AFF3: variants seen among roughly 807,000 people sequenced by gnomAD.
The protein encoded by AFF3 is ALF transcription elongation factor 3.
In AFF3, 32 loss-of-function variants were observed where a neutral mutation model predicts 129.7. The ratio of observed to expected loss-of-function variants is 0.25; its 90% confidence interval spans 0.19 to 0.33. AFF3 has a LOEUF of 0.33. Among genes scored for constraint, AFF3 ranks in the 10% least tolerant of loss-of-function variants. The pLI, the probability that AFF3 is intolerant of heterozygous loss-of-function variation, is 1.00. For missense variants in AFF3, 1,373 were observed against 1,592.0 expected (o/e 0.86, Z 2.34); for synonymous variants, 644 against 635.4 (o/e 1.01, Z -0.20).
At chr2:99,862,633 C>T (rs1029222021) in intron 7 of AFF3, among the ~76,000 whole-genome samples, 2 of 152,238 alleles carry the variant, frequency 1.3e-5, no homozygotes, top group South Asian at 4.1e-4. Flanking sequence ...TAGCTTGTTC[C>T]TTTATGCTCT....
intron 7 of AFF3, among the ~76,000 whole-genome samples, chr2:99,840,660 C>T (rs1292171136): frequency 1.3e-5 from 2 of 152,208 alleles, no homozygotes; most frequent in Non-Finnish European, 2.9e-5. Flanking sequence ...GCTTTCACTC[C>T]CATTCCCAAT....
rs1289517151 is a variant in AFF3 at position 99,550,660 on chromosome 2, A to C, written c.*814T>G. The C allele has an allele frequency of 4.3e-6, 1 of 232,642 alleles. No homozygotes were observed. The highest frequency in any genetic ancestry group is 8.5e-6 in the Non-Finnish European group (1 of 117,802). The allele number at this position is 232,642 out of a possible 1,614,324, so 14.4% of individuals were successfully genotyped here. A position where few individuals can be genotyped will look rare whatever the true frequency, so the allele number is the denominator to read the frequency against. ...TGCAGAAAACTTCAACTCCTAACTG[A>C]GCTCCAACACACAGGCACTGCTACC... On this transcript the variant is annotated 3_prime_UTR_variant, in exon 25 of 25. Coordinates refer to ENST00000672756, the MANE Select transcript of AFF3 (RefSeq NM_001386135.1).
intron 15 of AFF3, among the ~76,000 whole-genome samples, chr2:99,589,635 G>A (rs368844572): frequency 1.6e-3 from 241 of 152,094 alleles, no homozygotes; most frequent in African/African-American, 5.6e-3. Flanking sequence ...TCTTGATCTC[G>A]TGATCTGCCC....
At chr2:99,875,124 C>T (rs1692186718) in intron 7 of AFF3, among the ~76,000 whole-genome samples, 2 of 152,154 alleles carry the variant, frequency 1.3e-5, no homozygotes. Context: ...TGACAGTGCT[C>T]CCCAGGCAAT....
intron 8 of AFF3, among the ~76,000 whole-genome samples, chr2:99,767,634 A>G (rs901407086): frequency 2.0e-5 from 3 of 152,376 alleles, no homozygotes; most frequent in African/African-American, 4.8e-5. Context: ...AAAGCTGTGC[A>G]TCAGTAAACT....
rs1559000439 is a variant in AFF3, at chr2:99,947,629, TA to T, written c.873+59002del. Among the ~76,000 whole-genome samples the T allele has an allele frequency of 1.9e-4, 27 of 142,108 alleles. 1 individual carries two copies. The highest frequency in any genetic ancestry group is 7.9e-4 in the African/African-American group (27 of 33,994). The allele number at this position is 142,108 out of a possible 152,430, so 93.2% of individuals were successfully genotyped here. On this transcript the variant is annotated intron_variant, in intron 7 of 24. Transcript: ENST00000672756. Reference sequence around the variant, plus strand: ...ATAGATAGATAGATAGATAGATAGATAGATAGATAGATAGATAGATAGATAG... The same window carrying T: ...ATAGATAGATAGATAGATAGATAGATGATAGATAGATAGATAGATAGATAG...
At chr2:100,103,009 A>G (rs1360785425) in intron 4 of AFF3, among the ~76,000 whole-genome samples, 15 of 150,132 alleles carry the variant, frequency 1.0e-4, no homozygotes, top group Non-Finnish European at 2.1e-4. Context: ...GTTTTATTAC[A>G]TTAGGGCCCG....
intron 7 of AFF3, among the ~76,000 whole-genome samples, chr2:99,970,595 C>T (rs1678264783): frequency 6.6e-6 from 1 of 152,220 alleles, no homozygotes; most frequent in African/African-American, 2.4e-5. Flanking sequence ...TTCCTCATAG[C>T]CTCTCCAGGC....
chr2:99,695,962 C>CAAAAAAAAA (rs1676212587), intron 11 of AFF3, among the ~76,000 whole-genome samples: 10 of 90,048 alleles, frequency 1.1e-4, no homozygotes, highest in African/African-American at 5.1e-4. Context: ...AAAAAAAAAC[C>CAAAAAAAAA]AAAAGAAAAA....
intron 11 of AFF3, chr2:99,707,082 AG>A: frequency 7.1e-6 from 7 of 984,704 alleles, no homozygotes; most frequent in Non-Finnish European, 8.4e-6. Context: ...AAGATATAAT[AG>A]TACAATGAAA....
intron 13 of AFF3, among the ~76,000 whole-genome samples, chr2:99,644,016 C>T (rs566742058): frequency 9.8e-5 from 15 of 152,344 alleles, no homozygotes; most frequent in South Asian, 2.1e-4. Flanking sequence ...CACAGCCACA[C>T]GGCTGTTTCT....
At chr2:99,613,700 T>A (rs1377069987) in intron 13 of AFF3, among the ~76,000 whole-genome samples, 1 of 152,244 alleles carries the variant, frequency 6.6e-6, no homozygotes, top group Non-Finnish European at 1.5e-5. Flanking sequence ...TTTATAATAC[T>A]TTTACAAACT....
intron 18 of AFF3, among the ~76,000 whole-genome samples, chr2:99,572,280 T>TCCCCCCCCCCCCCCCCCCCCCCCCC (rs1472898150): frequency 1.9e-5 from 1 of 51,478 alleles, no homozygotes; most frequent in African/African-American, 8.8e-5. Context: ...TTTCTTCTCT[T>TCCCCCCCCCCCCCCCCCCCCCCCCC]CCCCCTCCCA....
chr2:100,064,903 G>A (rs1242714086), intron 4 of AFF3, among the ~76,000 whole-genome samples: 1 of 152,196 alleles, frequency 6.6e-6, no homozygotes. Context: ...CAGAAAAGGG[G>A]AGGAGATAAT....
At chr2:99,773,425 T>C (rs1478083610) in intron 8 of AFF3, among the ~76,000 whole-genome samples, 1 of 152,200 alleles carries the variant, frequency 6.6e-6, no homozygotes, top group African/African-American at 2.4e-5. Context: ...TACAAAGCTG[T>C]CATCTAGGCA....
chr2:99,981,162 G>A (rs1679364106), intron 7 of AFF3, among the ~76,000 whole-genome samples: 1 of 152,100 alleles, frequency 6.6e-6, no homozygotes. Flanking sequence ...GGGATTACAG[G>A]CATGCACCAC....
chr2:99,921,096 C>G (rs1695827269), intron 7 of AFF3, among the ~76,000 whole-genome samples: 1 of 152,058 alleles, frequency 6.6e-6, no homozygotes, highest in Non-Finnish European at 1.5e-5. Context: ...AAGTCAAAAT[C>G]TCAGCAAAGT....
chr2:99,932,311 T>C (rs1175958861), intron 7 of AFF3, among the ~76,000 whole-genome samples: 1 of 152,198 alleles, frequency 6.6e-6, no homozygotes. Flanking sequence ...GCCAAAAAAC[T>C]GGACACTCCT....
intron 8 of AFF3, among the ~76,000 whole-genome samples, chr2:99,760,533 A>T (rs1324231051): frequency 6.6e-6 from 1 of 152,190 alleles, no homozygotes; most frequent in Non-Finnish European, 1.5e-5. Context: ...CTTGCTCCAC[A>T]TTATTTTATC....
Sources: allele counts gnomAD v4.1 joint callset (sites outside exome capture counted in the v4.1 genomes callset), GRCh38; gene constraint gnomAD v4.1.1; transcripts MANE v1.5; gene names NCBI Gene and HGNC (gene_info 2026-07-23, HGNC 2026-07-21).